PRKD1: variants seen among roughly 807,000 people sequenced by gnomAD.
PRKD1 encodes serine/threonine-protein kinase D1.
PRKD1 carries 63 observed loss-of-function variants against 95.9 expected under a neutral mutation model. That is an observed-to-expected ratio of 0.66 (90% CI 0.54 to 0.81). The LOEUF is 0.81. Ranked by LOEUF, PRKD1 falls within the 30% of genes least tolerant of loss-of-function variation. The pLI is 0.00. For synonymous variants in PRKD1, 425 were observed against 423.1 expected, an observed-to-expected ratio of 1.00 and a Z score of -0.05; for missense variants, 1,048 against 1,165.3, an observed-to-expected ratio of 0.90 and a Z score of 1.47.
At chr14:29,878,054 A>C (rs1478551797) in intron 1 of PRKD1, among the ~76,000 whole-genome samples, 1 of 152,180 alleles carries the variant, frequency 6.6e-6, no homozygotes, top group Non-Finnish European at 1.5e-5. Context: ...TAGGAACAAA[A>C]ACCAAATACT....
intron 13 of PRKD1, among the ~76,000 whole-genome samples, chr14:29,613,538 C>A (rs1175194069): frequency 6.6e-6 from 1 of 152,176 alleles, no homozygotes; most frequent in African/African-American, 2.4e-5. Context: ...TTTCATTCAA[C>A]AAATATTTAC....
intron 2 of PRKD1, among the ~76,000 whole-genome samples, chr14:29,716,874 A>T (rs1037920695): frequency 1.1e-4 from 17 of 152,170 alleles, no homozygotes; most frequent in Non-Finnish European, 2.2e-4. Flanking sequence ...TGAATTAAGT[A>T]TAATTTTGCT....
intron 2 of PRKD1, among the ~76,000 whole-genome samples, chr14:29,714,818 T>A (rs1407445248): frequency 1.3e-5 from 2 of 152,110 alleles, no homozygotes; most frequent in African/African-American, 4.8e-5. Context: ...GGGACATGGA[T>A]GAAACCAGAA....
intron 2 of PRKD1, among the ~76,000 whole-genome samples, chr14:29,666,980 TATG>T (rs983912477): frequency 2.0e-5 from 3 of 152,210 alleles, no homozygotes; most frequent in East Asian, 3.9e-4. Context: ...CATCTTTCCA[TATG>T]ATATTTTTAT....
At chr14:29,733,096 TTTTA>T (rs1209242086) in intron 1 of PRKD1, among the ~76,000 whole-genome samples, 1 of 147,534 alleles carries the variant, frequency 6.8e-6, no homozygotes, top group Non-Finnish European at 1.5e-5. Context: ...TTTTTTTAAT[TTTTA>T]TTTATTTATT....
At chr14:29,925,814 C>T (rs1233222359) in intron 1 of PRKD1, among the ~76,000 whole-genome samples, 2 of 152,178 alleles carry the variant, frequency 1.3e-5, no homozygotes, top group Admixed American at 6.5e-5. Flanking sequence ...ACATTGTATA[C>T]GTGCTTATGA....
intron 16 of PRKD1, among the ~76,000 whole-genome samples, chr14:29,595,001 T>A (rs45624431): frequency 3.0e-4 from 46 of 151,944 alleles, no homozygotes; most frequent in African/African-American, 9.4e-4. Context: ...ACTTTTTTTT[T>A]TTTTTGCCAT....
intron 1 of PRKD1, among the ~76,000 whole-genome samples, chr14:29,866,186 C>CAA (rs757147561): frequency 7.3e-6 from 1 of 136,488 alleles, no homozygotes; most frequent in Non-Finnish European, 1.6e-5. Context: ...TATTTCAGAC[C>CAA]AAAAAAAAAA....
At chr14:29,875,736 T>C (rs577116443) in intron 1 of PRKD1, among the ~76,000 whole-genome samples, 24 of 152,354 alleles carry the variant, frequency 1.6e-4, no homozygotes, top group African/African-American at 5.5e-4. Flanking sequence ...TTAAAAAGGC[T>C]TGTTGGTTTG....
At chr14:29,856,099 T>C (rs773104081) in intron 1 of PRKD1, among the ~76,000 whole-genome samples, 5 of 152,268 alleles carry the variant, frequency 3.3e-5, no homozygotes, top group Admixed American at 2.0e-4. Flanking sequence ...GATGGCACCA[T>C]ACAAAGAATA....
intron 1 of PRKD1, among the ~76,000 whole-genome samples, chr14:29,925,069 A>C (rs1895249237): frequency 6.6e-6 from 1 of 152,184 alleles, no homozygotes; most frequent in Non-Finnish European, 1.5e-5. Flanking sequence ...AACCTAAAAA[A>C]AAAGTGAGAT....
intron 13 of PRKD1, among the ~76,000 whole-genome samples, chr14:29,602,943 C>T (rs1893576564): frequency 6.6e-6 from 1 of 152,204 alleles, no homozygotes; most frequent in African/African-American, 2.4e-5. Flanking sequence ...TGTTCACCGT[C>T]AGCTCTGAAG....
At chr14:29,708,538 C>T (rs1327243013) in intron 2 of PRKD1, among the ~76,000 whole-genome samples, 4 of 152,100 alleles carry the variant, frequency 2.6e-5, no homozygotes, top group Non-Finnish European at 4.4e-5. Flanking sequence ...ATCAAGCATC[C>T]TCACAAGTTA....
intron 1 of PRKD1, among the ~76,000 whole-genome samples, chr14:29,750,616 G>GCGCGCGCACACACACACA (rs72239992): frequency 1.3e-5 from 2 of 148,372 alleles, no homozygotes; most frequent in African/African-American, 5.0e-5. Flanking sequence ...ATGAACGCGC[G>GCGCGCGCACACACACACA]CACACACACA....
intron 1 of PRKD1, chr14:29,751,282 T>C (rs950865217): frequency 6.6e-6 from 1 of 152,216 alleles, no homozygotes; most frequent in Non-Finnish European, 1.5e-5. Flanking sequence ...AAACTGCTAT[T>C]CTAGTTTCCC....
intron 3 of PRKD1, 86 bp from the exon 4 acceptor site, chr14:29,663,945 A>T: frequency 7.7e-7 from 1 of 1,300,866 alleles, no homozygotes; most frequent in Non-Finnish European, 1.1e-6. Context: ...AATTTAAAAA[A>T]TAGTACAGCT....
intron 1 of PRKD1, among the ~76,000 whole-genome samples, chr14:29,871,925 G>A (rs1893123042): frequency 6.6e-6 from 1 of 152,200 alleles, no homozygotes; most frequent in African/African-American, 2.4e-5. Context: ...TTAAAGTGAT[G>A]AAAGGGGTGT....
chr14:29,762,362 T>C (rs552116266), intron 1 of PRKD1, among the ~76,000 whole-genome samples: 2 of 152,264 alleles, frequency 1.3e-5, no homozygotes, highest in African/African-American at 4.8e-5. Flanking sequence ...CCACTCTGCA[T>C]GAAAGAGTCA....
At chr14:29,826,696 TATAC>T (rs1193897904) in intron 1 of PRKD1, among the ~76,000 whole-genome samples, 1 of 39,664 alleles carries the variant, frequency 2.5e-5, no homozygotes, top group Admixed American at 3.5e-4. Context: ...CACACATATA[TATAC>T]ATATATACAC....
Sources: allele counts gnomAD v4.1 joint callset (sites outside exome capture counted in the v4.1 genomes callset), GRCh38; gene constraint gnomAD v4.1.1; transcripts MANE v1.5; gene names NCBI Gene and HGNC (gene_info 2026-07-23, HGNC 2026-07-21).